KIF21B: variants seen among roughly 807,000 people sequenced by gnomAD.
The protein encoded by KIF21B is kinesin-like protein KIF21B.
A neutral mutation model predicts 192.9 loss-of-function variants in KIF21B; 85 were observed. That is an observed-to-expected ratio of 0.44 (90% CI 0.37 to 0.53). The LOEUF (loss-of-function observed/expected upper bound fraction) is 0.53. Ranked by LOEUF, KIF21B falls within the 20% of genes least tolerant of loss-of-function variation. The pLI, the probability that KIF21B is intolerant of heterozygous loss-of-function variation, is 0.00. For missense variants in KIF21B, 1,716 were observed against 2,194.8 expected (o/e 0.78, Z 4.36); for synonymous variants, 832 against 884.6 (o/e 0.94, Z 1.05).
At chr1:200,978,380 T>C (rs1655704555) in intron 30 of KIF21B, among the ~76,000 whole-genome samples, 1 of 152,050 alleles carries the variant, frequency 6.6e-6, no homozygotes, top group Admixed American at 6.6e-5. Context: ...GACTTTATTT[T>C]TTTTTTTAAG....
chr1:200,987,142 T>C lies in KIF21B; in HGVS notation c.3468A>G (p.Pro1156=). The part of the protein sequence containing the change: ...KAVSAECLGP[P]LDISTKNITK... ...TGATGTTCTTGGTGGAGATATCCAG[T>C]GGGGGGCCCAGGCACTCAGCCGACA... The change falls in exon 25 of 35, where the codon CCA becomes CCG. Residue 1156 remains proline (P), a synonymous_variant. Coordinates refer to ENST00000461742, the MANE Select transcript of KIF21B (RefSeq NM_001252102.2). 5 of 1,613,764 alleles carry C rather than the reference T, an allele frequency of 3.1e-6. No homozygotes were observed. The highest frequency in any genetic ancestry group is 4.2e-6 in the Non-Finnish European group (5 of 1,179,930).
intron 34 of KIF21B, chr1:200,974,342 G>T: frequency 2.1e-6 from 2 of 952,830 alleles, no homozygotes; most frequent in Non-Finnish European, 3.0e-6. Context: ...CCACACAGGG[G>T]GCCAGAGCGG....
intron 9 of KIF21B, chr1:201,001,505 C>G (rs1281595874): frequency 6.5e-6 from 1 of 152,696 alleles, no homozygotes; most frequent in Admixed American, 6.5e-5. Flanking sequence ...CTCAGCCTCC[C>G]AAGTAACATG....
chr1:200,988,711 C>T, intron 22 of KIF21B, 55 bp downstream of exon 22: 1 of 1,567,938 alleles, frequency 6.4e-7, no homozygotes, highest in Non-Finnish European at 8.7e-7. Flanking sequence ...GGGTCTGAGC[C>T]CAAGAGCACT....
intron 26 of KIF21B, among the ~76,000 whole-genome samples, chr1:200,985,425 T>C (rs1377551751): frequency 1.3e-5 from 2 of 152,002 alleles, no homozygotes; most frequent in Non-Finnish European, 1.5e-5. Context: ...GAGGTGGAGA[T>C]TGCAGTGAAC....
intron 6 of KIF21B, 97 bp downstream of exon 6, chr1:201,004,669 C>T (rs1353612918): frequency 6.8e-7 from 1 of 1,475,986 alleles, no homozygotes; most frequent in East Asian, 2.3e-5. Flanking sequence ...GGCAAGATGT[C>T]CAAGGAGGAC....
intron 1 of KIF21B, among the ~76,000 whole-genome samples, chr1:201,020,831 A>ACACACACACACG (rs1301863058): frequency 5.9e-5 from 9 of 151,830 alleles, no homozygotes; most frequent in Non-Finnish European, 1.0e-4. Flanking sequence ...ACACACACAC[A>ACACACACACACG]CACACACACA....
Position 201,023,445 on chromosome 1 carries a change from AG to A in KIF21B, c.-63del. On this transcript the variant is annotated 5_prime_UTR_variant, in exon 1 of 35. An upstream open reading frame in the 5' UTR loses its in-frame stop. Coordinates refer to ENST00000461742, the MANE Select transcript of KIF21B (RefSeq NM_001252102.2). The surrounding 1 kb of genome is among the most constrained non-coding windows in gnomAD (Gnocchi z 5.9). ...GCGGGGGTCTGGGGGCCAATGCCCG[AG>A]GCAGCGGCTGCGGCTGCGGGAGGCG... is the stretch of plus-strand genomic sequence containing the variant. The A allele has an allele frequency of 8.0e-7, 1 of 1,246,676 alleles. No individual in the cohort carries two copies. Among genetic ancestry groups the A allele is most frequent in the Non-Finnish European group, 1.0e-6 (1 of 969,620 alleles). 77.2% of individuals were successfully genotyped at this position (1,246,676 alleles called of 1,614,324 possible).
At position 201,015,085 on chromosome 1, in the gene KIF21B, G is replaced by T. The variant is rs571239777; in HGVS notation, c.42-5597C>A. ...TTACATTATATCATTTAGTTCTAAGGTGGGTGTTTTTGCCCTTAATTTACA... is the reference window on the plus strand; with the variant it reads ...TTACATTATATCATTTAGTTCTAAGTTGGGTGTTTTTGCCCTTAATTTACA... On this transcript the variant is annotated intron_variant, in intron 1 of 34. Transcript: ENST00000461742. Among the ~76,000 whole-genome samples the T allele has an allele frequency of 5.8e-4, 89 of 152,322 alleles. 1 individual carries two copies. The highest frequency in any genetic ancestry group is 5.0e-3 in the Admixed American group (77 of 15,300).
chr1:200,999,420 C>A lies in KIF21B; in HGVS notation c.1814G>T (p.Arg605Leu). ...GCCCGAGTCCTCATCTTCATCCTCG[C>A]GCCCTTCCTCCTCCTCACAGCCACT... The part of the protein sequence containing the change: ...DESGCEEEEG[R>L]EDEDEDSGSE... The change falls in exon 13 of 35, where the codon CGC (arginine) becomes CTC (leucine). Residue 605 changes from arginine (R) to leucine (L), a missense_variant. Physicochemically the swap from Arg to Leu is moderately radical, Grantham distance 102. Coordinates refer to ENST00000461742, the MANE Select transcript of KIF21B (RefSeq NM_001252102.2). This position sits in a 1 kb window ranked among gnomAD's most constrained non-coding sequence, Gnocchi z 4.7. The A allele has an allele frequency of 1.2e-6, 2 of 1,614,132 alleles. No individual in the cohort carries two copies. Among genetic ancestry groups the A allele is most frequent in the Non-Finnish European group, 1.7e-6 (2 of 1,179,996 alleles).
intron 24 of KIF21B, 75 bp downstream of exon 24, chr1:200,988,221 C>T: frequency 2.9e-6 from 4 of 1,380,786 alleles, no homozygotes; most frequent in Non-Finnish European, 4.1e-6. Context: ...TGGAGCAGAG[C>T]CACAGTAAGC....
At chr1:201,004,086 C>T (rs1255887830) in intron 7 of KIF21B, among the ~76,000 whole-genome samples, 1 of 152,152 alleles carries the variant, frequency 6.6e-6, no homozygotes, top group Non-Finnish European at 1.5e-5. Context: ...TAGCATTTCC[C>T]ATCTATCATC....
chr1:200,978,944 C>G (rs1655737618), intron 30 of KIF21B, among the ~76,000 whole-genome samples: 1 of 152,198 alleles, frequency 6.6e-6, no homozygotes, highest in African/African-American at 2.4e-5. Flanking sequence ...CCTGCTTCAG[C>G]CTCCAAAATA....
In KIF21B at chr1:200,998,721, A is replaced by AT; in HGVS notation, c.1886-147dup. Reference sequence around the variant, plus strand: ...AGACTGGGCAAAATGATAAATCCTAATGCAGGTAGAATGCGGCCAGAAGGA... The same window carrying AT: ...AGACTGGGCAAAATGATAAATCCTAATTGCAGGTAGAATGCGGCCAGAAGGA... On this transcript the variant is annotated intron_variant, in intron 13 of 34. Coordinates refer to ENST00000461742, the MANE Select transcript of KIF21B (RefSeq NM_001252102.2). This position sits in a 1 kb window ranked among gnomAD's most constrained non-coding sequence, Gnocchi z 4.3. The AT allele has an allele frequency of 6.2e-6, 4 of 645,668 alleles. No individual in the cohort carries two copies. The highest frequency in any genetic ancestry group is 7.9e-6 in the Non-Finnish European group (3 of 379,642). 40.0% of individuals were successfully genotyped at this position (645,668 alleles called of 1,614,324 possible). A position where few individuals can be genotyped will look rare whatever the true frequency, so the allele number is the denominator to read the frequency against.
At position 200,970,929 on chromosome 1, in the gene KIF21B, G is replaced by A. The variant is rs1239234778; in HGVS notation, c.*2592C>T. On this transcript the variant is annotated 3_prime_UTR_variant, in exon 35 of 35. Transcript: ENST00000461742. ...GAGTCCCAGAATTAGGACAAGCCAT[G>A]AGCCAAGGCCTGGTCTGAGCAAGGG... 4 of 152,700 alleles carry A rather than the reference G, an allele frequency of 2.6e-5. No individual in the cohort carries two copies. Among genetic ancestry groups the A allele is most frequent in the African/African-American group, 4.8e-5 (2 of 41,470 alleles). 9.5% of individuals were successfully genotyped at this position (152,700 alleles called of 1,614,324 possible). A position where few individuals can be genotyped will look rare whatever the true frequency, so the allele number is the denominator to read the frequency against.
intron 1 of KIF21B, among the ~76,000 whole-genome samples, chr1:201,014,325 C>T (rs550061767): frequency 2.0e-5 from 3 of 152,316 alleles, no homozygotes; most frequent in African/African-American, 7.2e-5. Flanking sequence ...CCTGCGGTGG[C>T]AGCGGGACAA....
chr1:200,999,840 C>T lies in KIF21B; in HGVS notation c.1767+43G>A, dbSNP rs1180426382. 1.9e-6 allele frequency: 3 copies of T among 1,604,542 alleles called. No homozygotes were observed. The highest frequency in any genetic ancestry group is 2.2e-5 in the South Asian group (2 of 90,978). On this transcript the variant is annotated intron_variant, in intron 12 of 34. Coordinates refer to ENST00000461742, the MANE Select transcript of KIF21B (RefSeq NM_001252102.2). The surrounding 1 kb of genome is among the most constrained non-coding windows in gnomAD (Gnocchi z 4.7). ...GCCCCCGCCAACCCCAGCAGGGACA[C>T]AAGGCATGCATGTGGTGAGGTGGGG...
In KIF21B at chr1:201,009,344, C is replaced by T. The variant is rs1227106874; in HGVS notation, c.186G>A (p.Gln62=). 6 of 1,614,174 alleles carry T rather than the reference C, an allele frequency of 3.7e-6. No homozygotes were observed. Among genetic ancestry groups the T allele is most frequent in the Non-Finnish European group, 5.1e-6 (6 of 1,180,058 alleles). Residue 62 remains glutamine (Q), a synonymous_variant, in exon 2 of 35, where the codon CAG becomes CAA. Transcript: ENST00000461742. ...FVFDLDTWQE[Q]IYSTCVSKLI... ...GCTTGCTCACACAGGTGGAATAGAT[C>T]TGTTCTTGCCAGGTGTCCAGGTCGA...
intron 8 of KIF21B, chr1:201,002,705 T>G (rs1470656197): frequency 4.2e-6 from 1 of 239,340 alleles, no homozygotes; most frequent in African/African-American, 2.2e-5. Context: ...TCAGGCTGGT[T>G]GTAAGACAAT....
Sources: gnomAD v4.1 joint callset for allele counts (sites outside exome capture counted in the v4.1 genomes callset) on GRCh38, gnomAD v4.1.1 for gene constraint, Gnocchi (gnomAD v3.1) non-coding constraint, MANE v1.5 for transcripts, NCBI Gene and HGNC (gene_info 2026-07-23, HGNC 2026-07-21) for gene names.